Variants in SMAD2 observed in about 807,000 individuals in gnomAD.
The protein encoded by SMAD2 is SMAD family member 2, also known as MAD homolog 2.
A neutral mutation model predicts 64.4 loss-of-function variants in SMAD2; 8 were observed. The ratio of observed to expected loss-of-function variants is 0.12; its 90% confidence interval spans 0.07 to 0.22. The LOEUF is 0.22. Among genes scored for constraint, SMAD2 ranks in the 10% least tolerant of loss-of-function variants. The pLI is 1.00. For missense variants in SMAD2, 289 were observed against 561.2 expected (o/e 0.51, Z 4.90); for synonymous variants, 203 against 195.8 (o/e 1.04, Z -0.31).
In SMAD2 at chr18:47,869,418, G is replaced by A. The variant is rs2144379620; in HGVS notation, c.345C>T (p.Leu115=). 1 of 1,612,192 alleles carries A rather than the reference G, an allele frequency of 6.2e-7. No individual in the cohort carries two copies. Among genetic ancestry groups the A allele is most frequent in the Non-Finnish European group, 8.5e-7 (1 of 1,179,348 alleles). The part of the protein sequence containing the change: ...SEQTRSLDGR[L]QVSHRKGLPH... ...GCAATCCTTTTCGATGGGATACCTGGAGACGACCATCAAGAGACCTGTTGG... is the reference window on the plus strand; with the variant it reads ...GCAATCCTTTTCGATGGGATACCTGAAGACGACCATCAAGAGACCTGTTGG... Residue 115 remains leucine, a synonymous_variant, in exon 4 of 11, where the codon CTC becomes CTT. Transcript: ENST00000262160.
chr18:47,893,123 C>T (rs2033278949), intron 2 of SMAD2, among the ~76,000 whole-genome samples: 1 of 152,168 alleles, frequency 6.6e-6, no homozygotes, highest in Admixed American at 6.5e-5. Context: ...AAAAAGCTTC[C>T]TGAAATTTTT....
chr18:47,895,814 T>C (rs2144471577), intron 2 of SMAD2: 1 of 152,832 alleles, frequency 6.5e-6, no homozygotes, highest in Non-Finnish European at 1.5e-5. Flanking sequence ...GCCCACGGTA[T>C]GACACTGCAA....
chr18:47,840,034 C>G lies in SMAD2; in HGVS notation c.*1793G>C, dbSNP rs1044340522. 1 of 233,006 alleles carries G rather than the reference C, an allele frequency of 4.3e-6. No individual in the cohort carries two copies. The highest frequency in any genetic ancestry group is 2.2e-5 in the African/African-American group (1 of 45,316). 14.4% of individuals were successfully genotyped at this position (233,006 alleles called of 1,614,324 possible). On this transcript the variant is annotated 3_prime_UTR_variant, in exon 11 of 11. Transcript: ENST00000262160. ...TGTAGTTGTCTTGTTCACCTTTACC[C>G]AAAGACTAAGAAAAGTTCCTGGTAC...
At chr18:47,901,053 T>C (rs1023891762) in intron 1 of SMAD2, among the ~76,000 whole-genome samples, 3 of 152,204 alleles carry the variant, frequency 2.0e-5, no homozygotes, top group Admixed American at 6.5e-5. Context: ...ATAGTTTCAA[T>C]GTTCTACATA....
intron 7 of SMAD2, among the ~76,000 whole-genome samples, 192 bp from the exon 8 acceptor site, chr18:47,848,879 C>T (rs558538651): frequency 3.3e-5 from 5 of 152,112 alleles, no homozygotes; most frequent in Admixed American, 2.0e-4. Context: ...TCACACAAAA[C>T]TCCAGTTTCA....
rs1229783049 is a variant in SMAD2 at position 47,868,340 on chromosome 18, T to C, written c.638A>G (p.Gln213Arg). ...AAAAATACCTGGAATATAATTACTC[T>C]GTGGCTCAATTCCTGCTGGGAAGTT... ...NTNFPAGIEP[Q>R]SNYIPETPPP... is the part of the protein sequence containing the mutation. Residue 213 changes from glutamine to arginine, a missense_variant, in exon 5 of 11, where the codon CAG (glutamine) becomes CGG (arginine). This residue lies in a region of SMAD2 where 119 missense variants were observed against 156.7 expected (regional missense o/e 0.76). Transcript: ENST00000262160. 1 of 1,613,186 alleles carries C rather than the reference T, an allele frequency of 6.2e-7. No individual in the cohort carries two copies. The highest frequency in any genetic ancestry group is 8.5e-7 in the Non-Finnish European group (1 of 1,179,332).
chr18:47,858,784 A>G (rs1414499192), intron 6 of SMAD2, among the ~76,000 whole-genome samples: 1 of 152,182 alleles, frequency 6.6e-6, no homozygotes, highest in Non-Finnish European at 1.5e-5. Flanking sequence ...GTTACTGGTA[A>G]AAGGCCAAGA....
At chr18:47,843,711 T>C (rs1034993715) in intron 10 of SMAD2, among the ~76,000 whole-genome samples, 2 of 152,198 alleles carry the variant, frequency 1.3e-5, no homozygotes, top group African/African-American at 4.8e-5. Context: ...TACTTGATTT[T>C]CCAAAGTCAG....
intron 1 of SMAD2, chr18:47,922,762 A>C (rs1273543454): frequency 6.6e-6 from 1 of 152,242 alleles, no homozygotes; most frequent in East Asian, 1.9e-4. Context: ...AACCTCAAAA[A>C]AATTAAAATA....
At chr18:47,866,762 T>G (rs1272458893) in intron 5 of SMAD2, 1 of 152,186 alleles carries the variant, frequency 6.6e-6, no homozygotes. Flanking sequence ...GTTTTGCTGT[T>G]GCTTGAAACC....
At chr18:47,868,484 A>T in intron 4 of SMAD2, 27 bp from the exon 5 acceptor site, 2 of 1,604,350 alleles carry the variant, frequency 1.2e-6, no homozygotes, top group South Asian at 1.1e-5. Context: ...AATCCAAGTT[A>T]ATGGCAAAGA....
At chr18:47,867,740 A>C (rs2031668873) in intron 5 of SMAD2, among the ~76,000 whole-genome samples, 1 of 152,106 alleles carries the variant, frequency 6.6e-6, no homozygotes, top group Admixed American at 6.6e-5. Flanking sequence ...AATACATCAG[A>C]ACAAAATTTG....
chr18:47,870,440 G>T, intron 3 of SMAD2, 35 bp downstream of exon 3: 1 of 1,479,496 alleles, frequency 6.8e-7, no homozygotes, highest in Non-Finnish European at 9.5e-7. Flanking sequence ...CCTCCCACAA[G>T]ATCTCTAAGA....
intron 1 of SMAD2, among the ~76,000 whole-genome samples, chr18:47,926,602 G>C (rs893872022): frequency 3.3e-5 from 5 of 152,030 alleles, no homozygotes; most frequent in Non-Finnish European, 7.4e-5. Context: ...AACTTTGCTT[G>C]TTAGAAACAC....
intron 1 of SMAD2, among the ~76,000 whole-genome samples, chr18:47,926,623 T>C (rs2034776980): frequency 6.6e-6 from 1 of 152,200 alleles, no homozygotes; most frequent in African/African-American, 2.4e-5. Flanking sequence ...TTTAAATAAA[T>C]GCCAACACAT....
intron 2 of SMAD2, among the ~76,000 whole-genome samples, chr18:47,872,305 A>G (rs2031983733): frequency 6.6e-6 from 1 of 152,212 alleles, no homozygotes; most frequent in Admixed American, 6.5e-5. Flanking sequence ...TTTTTAAAAT[A>G]AGCCAATTTA....
At chr18:47,919,614 G>A (rs1228642401) in intron 1 of SMAD2, among the ~76,000 whole-genome samples, 2 of 152,124 alleles carry the variant, frequency 1.3e-5, no homozygotes, top group Non-Finnish European at 2.9e-5. Context: ...CGTACTAGGT[G>A]TAGAGGCAAC....
At chr18:47,847,550 C>T (rs1914622876) in intron 8 of SMAD2, among the ~76,000 whole-genome samples, 1 of 149,974 alleles carries the variant, frequency 6.7e-6, no homozygotes, top group African/African-American at 2.5e-5. Context: ...GATATAAAAA[C>T]TGAGATTTAA....
rs557644164 is a variant in SMAD2 at position 47,829,672 on chromosome 18, T to C, written c.*12155A>G. 1.6e-4 allele frequency: 24 copies of C among 152,320 alleles called. No homozygotes were observed. The highest frequency in any genetic ancestry group is 4.6e-4 in the African/African-American group (19 of 41,564). The allele number at this position is 152,320 out of a possible 1,614,324, so 9.4% of individuals were successfully genotyped here. On this transcript the variant is annotated 3_prime_UTR_variant, in exon 11 of 11. Coordinates refer to ENST00000262160, the MANE Select transcript of SMAD2 (RefSeq NM_005901.6). ...AAAACGGGAAGCAGTGCATAGGCAGTATGAAGTAGACACTTTGGCAAATAA... is the reference window on the plus strand; with the variant it reads ...AAAACGGGAAGCAGTGCATAGGCAGCATGAAGTAGACACTTTGGCAAATAA...
Sources: allele counts gnomAD v4.1 joint callset (sites outside exome capture counted in the v4.1 genomes callset), GRCh38; gene constraint gnomAD v4.1.1; regional missense constraint gnomAD v4.1.1; transcripts MANE v1.5; gene names NCBI Gene and HGNC (gene_info 2026-07-23, HGNC 2026-07-21).